Variants in LDLRAD3 observed in about 807,000 individuals in gnomAD.
The protein encoded by LDLRAD3 is low density lipoprotein receptor class A domain containing 3, also known as low-density lipoprotein receptor class A domain-containing protein 3.
A neutral mutation model predicts 29.4 loss-of-function variants in LDLRAD3; 20 were observed. That is an observed-to-expected ratio of 0.68 (90% CI 0.48 to 0.99). The LOEUF (loss-of-function observed/expected upper bound fraction) is 0.99. Ranked by LOEUF, LDLRAD3 falls within the 50% of genes least tolerant of loss-of-function variation. The probability of loss-of-function intolerance (pLI) is 0.00; values close to 1 mark genes in which losing one functional copy is unlikely to be tolerated. For missense variants in LDLRAD3, 420 were observed against 454.3 expected (o/e 0.92, Z 0.69); for synonymous variants, 157 against 192.7 (o/e 0.81, Z 1.53).
chr11:36,058,419 G>C (rs1490049292), intron 2 of LDLRAD3, among the ~76,000 whole-genome samples: 3 of 152,154 alleles, frequency 2.0e-5, no homozygotes, highest in Admixed American at 2.0e-4. Flanking sequence ...CTGCGTCTCT[G>C]TCAGATTGCG....
chr11:36,191,599 T>TATATACAC (rs1554972506), intron 4 of LDLRAD3, among the ~76,000 whole-genome samples: 1 of 93,146 alleles, frequency 1.1e-5, no homozygotes, highest in African/African-American at 4.5e-5. Context: ...TATATATATA[T>TATATACAC]ACACACACAC....
chr11:36,209,642 AC>A (rs1217024519), intron 4 of LDLRAD3, among the ~76,000 whole-genome samples: 1 of 152,032 alleles, frequency 6.6e-6, no homozygotes, highest in African/African-American at 2.4e-5. Flanking sequence ...ACAGGTGTGA[AC>A]CACCATGCCT....
rs1851032094 is a variant in LDLRAD3 at position 35,944,548 on chromosome 11, C to G, written c.46+404C>G. ...TCCCTGGTCTCATCTTCCCAGACGC[C>G]TGGTCGCGCGCGGCTGCGTTAGCCT... On this transcript the variant is annotated intron_variant, in intron 1 of 5. Transcript: ENST00000315571. The surrounding 1 kb of genome is among the most constrained non-coding windows in gnomAD (Gnocchi z 4.9). Among the ~76,000 whole-genome samples the G allele has an allele frequency of 6.6e-6, 1 of 152,130 alleles. No individual in the cohort carries two copies. The highest frequency in any genetic ancestry group is 1.5e-5 in the Non-Finnish European group (1 of 68,010).
intron 4 of LDLRAD3, among the ~76,000 whole-genome samples, chr11:36,135,269 G>A (rs866905442): frequency 3.3e-5 from 5 of 152,190 alleles, no homozygotes; most frequent in African/African-American, 4.8e-5. Flanking sequence ...GGGAAAAGTC[G>A]TGCCTCTGCA....
chr11:36,168,498 CTT>C (rs5791083), intron 4 of LDLRAD3, among the ~76,000 whole-genome samples: 27 of 115,790 alleles, frequency 2.3e-4, no homozygotes, highest in African/African-American at 5.5e-4. Flanking sequence ...TTTCTTTCTT[CTT>C]TTTTTTTTTT....
chr11:36,132,860 C>T (rs984004389), intron 4 of LDLRAD3, among the ~76,000 whole-genome samples: 1 of 152,206 alleles, frequency 6.6e-6, no homozygotes, highest in African/African-American at 2.4e-5. Flanking sequence ...CGTTAGTCAG[C>T]AGGTTTGAGT....
intron 2 of LDLRAD3, among the ~76,000 whole-genome samples, chr11:36,064,540 C>T (rs1308429163): frequency 6.7e-6 from 1 of 148,568 alleles, no homozygotes; most frequent in African/African-American, 2.5e-5. Flanking sequence ...GGCTGGTCTC[C>T]AGCTCCTGGG....
chr11:36,174,532 A>T (rs1474678079), intron 4 of LDLRAD3, among the ~76,000 whole-genome samples: 1 of 152,086 alleles, frequency 6.6e-6, no homozygotes, highest in Non-Finnish European at 1.5e-5. Flanking sequence ...AAAACAAACA[A>T]CCCCATCAAA....
intron 1 of LDLRAD3, among the ~76,000 whole-genome samples, chr11:35,966,622 A>C (rs181705680): frequency 4.0e-5 from 6 of 151,770 alleles, no homozygotes; most frequent in African/African-American, 1.5e-4. Flanking sequence ...GAGAACAGCC[A>C]TGTCAAGTTT....
At chr11:36,135,902 T>C (rs1446051672) in intron 4 of LDLRAD3, among the ~76,000 whole-genome samples, 1 of 152,042 alleles carries the variant, frequency 6.6e-6, no homozygotes, top group Non-Finnish European at 1.5e-5. Context: ...AGAGTGAGAC[T>C]CCATCTCAAA....
chr11:36,023,942 A>G (rs1852130005), intron 1 of LDLRAD3, among the ~76,000 whole-genome samples: 1 of 152,254 alleles, frequency 6.6e-6, no homozygotes, highest in Non-Finnish European at 1.5e-5. Flanking sequence ...GGAATAATTG[A>G]GCTGAGGCCA....
intron 4 of LDLRAD3, among the ~76,000 whole-genome samples, chr11:36,143,489 TG>T (rs1352029415): frequency 2.0e-5 from 3 of 152,198 alleles, no homozygotes; most frequent in African/African-American, 7.2e-5. Context: ...ATAACCTCAT[TG>T]GGCAGGAGGA....
intron 2 of LDLRAD3, among the ~76,000 whole-genome samples, chr11:36,050,681 A>G (rs946147428): frequency 1.3e-5 from 2 of 152,196 alleles, no homozygotes; most frequent in African/African-American, 2.4e-5. Flanking sequence ...CTCAGAGCCT[A>G]TACTGAGTGT....
chr11:36,092,874 G>A (rs774870452), intron 3 of LDLRAD3, among the ~76,000 whole-genome samples: 2 of 152,156 alleles, frequency 1.3e-5, no homozygotes, highest in Non-Finnish European at 2.9e-5. Context: ...TTGATGGTTG[G>A]GAGGCATTTT....
chr11:36,216,948 C>T (rs1009867693), intron 4 of LDLRAD3, among the ~76,000 whole-genome samples: 4 of 152,154 alleles, frequency 2.6e-5, no homozygotes, highest in South Asian at 2.1e-4. Flanking sequence ...TTCAGGATAG[C>T]GCAATGGATT....
At chr11:36,068,058 G>A (rs372905184) in intron 2 of LDLRAD3, among the ~76,000 whole-genome samples, 7 of 151,776 alleles carry the variant, frequency 4.6e-5, no homozygotes, top group Non-Finnish European at 7.4e-5. Flanking sequence ...TCTCTTTTTC[G>A]TTCTCTTTCT....
intron 1 of LDLRAD3, among the ~76,000 whole-genome samples, chr11:36,010,556 T>C (rs1439640487): frequency 6.6e-6 from 1 of 152,146 alleles, no homozygotes; most frequent in Non-Finnish European, 1.5e-5. Context: ...ACTCCCTTGC[T>C]CAAAAACGGA....
intron 3 of LDLRAD3, among the ~76,000 whole-genome samples, chr11:36,095,109 C>T (rs1853339858): frequency 6.6e-6 from 1 of 152,138 alleles, no homozygotes. Flanking sequence ...TTGCTTGAGC[C>T]CAGGAGTTGA....
chr11:35,945,236 C>T (rs1347026006), intron 1 of LDLRAD3, among the ~76,000 whole-genome samples: 7 of 152,162 alleles, frequency 4.6e-5, no homozygotes, highest in African/African-American at 7.2e-5. Context: ...TCTTTGGTGG[C>T]CTGTGGGTTT....
Sources: gnomAD v4.1 joint callset for allele counts (sites outside exome capture counted in the v4.1 genomes callset) on GRCh38, gnomAD v4.1.1 for gene constraint, Gnocchi (gnomAD v3.1) non-coding constraint, MANE v1.5 for transcripts, NCBI Gene and HGNC (gene_info 2026-07-23, HGNC 2026-07-21) for gene names.